Variants in CNOT1 observed in about 807,000 individuals in gnomAD.
The protein encoded by CNOT1 is CCR4-NOT transcription complex subunit 1.
Under a neutral mutation model 273.8 loss-of-function variants are expected in CNOT1, and 15 were observed. The observed-to-expected ratio is 0.05, with a 90% confidence interval of 0.04 to 0.08. CNOT1 has a LOEUF of 0.08. CNOT1 is among the 10% of genes least tolerant of loss of function. The pLI is 1.00. For missense variants in CNOT1, 1,644 were observed against 2,912.2 expected (o/e 0.56, Z 10.02); for synonymous variants, 1,022 against 1,005.5 (o/e 1.02, Z -0.31).
chr16:58,626,470 C>CAGACTACTA (rs1166758577), intron 1 of CNOT1, among the ~76,000 whole-genome samples: 2 of 145,602 alleles, frequency 1.4e-5, no homozygotes, highest in African/African-American at 5.1e-5. Context: ...TTCAAAATGG[C>CAGACTACTA]AGACTACTAG....
At chr16:58,584,816 G>A (rs2041780492) in intron 8 of CNOT1, among the ~76,000 whole-genome samples, 1 of 152,094 alleles carries the variant, frequency 6.6e-6, no homozygotes, top group South Asian at 2.1e-4. Flanking sequence ...TTAATAATTT[G>A]CTTTTAGAAA....
At chr16:58,619,296 T>C (rs1288265248) in intron 1 of CNOT1, among the ~76,000 whole-genome samples, 1 of 129,612 alleles carries the variant, frequency 7.7e-6, no homozygotes, top group Non-Finnish European at 1.9e-5. Flanking sequence ...CAATTTACGA[T>C]GCTAAAGAAC....
intron 47 of CNOT1, 42 bp downstream of exon 47, chr16:58,523,328 G>A (rs2039475698): frequency 6.5e-7 from 1 of 1,534,970 alleles, no homozygotes; most frequent in South Asian, 1.3e-5. Context: ...TGAAAGGGAG[G>A]AGATCCTTTT....
chr16:58,597,919 G>A (rs566717506), intron 2 of CNOT1: 4 of 253,202 alleles, frequency 1.6e-5, no homozygotes, highest in Non-Finnish European at 3.1e-5. Flanking sequence ...TCACTATCAT[G>A]AAAAACCCAG....
intron 4 of CNOT1, 143 bp downstream of exon 4, chr16:58,587,637 T>C (rs1214976449): frequency 1.8e-6 from 2 of 1,124,248 alleles, no homozygotes; most frequent in African/African-American, 3.2e-5. Flanking sequence ...ACTGCCTTGA[T>C]TTTGTTACAA....
At position 58,542,143 on chromosome 16, in the gene CNOT1, G is replaced by A. The variant is rs370605912; in HGVS notation, c.4680+88C>T. ...CTCATAAACAATATTTAACCCTGCTGTCCTAATTCCAGTAAGGAGTTCAAT... is the reference window on the plus strand; with the variant it reads ...CTCATAAACAATATTTAACCCTGCTATCCTAATTCCAGTAAGGAGTTCAAT... On this transcript the variant is annotated intron_variant, in intron 33 of 48. Transcript: ENST00000317147. 12 of 1,484,404 alleles carry A rather than the reference G, an allele frequency of 8.1e-6. 1 individual carries two copies. Among genetic ancestry groups the A allele is most frequent in the East Asian group, 6.9e-5 (3 of 43,724 alleles). 92.0% of individuals were successfully genotyped at this position (1,484,404 alleles called of 1,614,324 possible). A position where few individuals can be genotyped will look rare whatever the true frequency, so the allele number is the denominator to read the frequency against.
chr16:58,535,187 A>G (rs2039888175), intron 39 of CNOT1, among the ~76,000 whole-genome samples: 2 of 149,740 alleles, frequency 1.3e-5, no homozygotes, highest in Admixed American at 1.3e-4. Flanking sequence ...CCAAGTTCCG[A>G]AAAAAAAAAC....
At chr16:58,553,566 C>A (rs890283817) in intron 22 of CNOT1, among the ~76,000 whole-genome samples, 2 of 152,136 alleles carry the variant, frequency 1.3e-5, no homozygotes, top group Non-Finnish European at 2.9e-5. Context: ...GGTAAGCCTG[C>A]TACTTAGAAA....
chr16:58,612,340 C>A (rs1435387341), intron 1 of CNOT1, among the ~76,000 whole-genome samples: 1 of 152,118 alleles, frequency 6.6e-6, no homozygotes, highest in Non-Finnish European at 1.5e-5. Flanking sequence ...CAACTGATAA[C>A]CAAGTTTGAC....
intron 47 of CNOT1, among the ~76,000 whole-genome samples, chr16:58,521,533 T>C (rs1215621190): frequency 1.3e-5 from 2 of 152,212 alleles, no homozygotes; most frequent in African/African-American, 4.8e-5. Context: ...TAAGTATTTA[T>C]ATAAAGTGCA....
chr16:58,592,049 A>G (rs1335304521), intron 2 of CNOT1, among the ~76,000 whole-genome samples: 1 of 152,118 alleles, frequency 6.6e-6, no homozygotes, highest in Non-Finnish European at 1.5e-5. Context: ...AATTTTTCAT[A>G]TATTAAGATT....
intron 1 of CNOT1, among the ~76,000 whole-genome samples, chr16:58,613,312 T>G (rs368910221): frequency 0.28 from 32,186 of 116,714 alleles, 6,080 homozygotes; most frequent in Non-Finnish European, 0.38. Context: ...GATTACAGGC[T>G]TGAGTCACCA....
At chr16:58,536,345 A>C (rs2039929790) in intron 39 of CNOT1, among the ~76,000 whole-genome samples, 1 of 152,216 alleles carries the variant, frequency 6.6e-6, no homozygotes, top group African/African-American at 2.4e-5. Flanking sequence ...ACAGTCGCTG[A>C]AAGCAACCAG....
At chr16:58,528,121 A>G (rs1186641661) in intron 44 of CNOT1, 2 of 468,466 alleles carry the variant, frequency 4.3e-6, no homozygotes, top group Admixed American at 2.3e-5. Context: ...TCAAAAAAAG[A>G]AAAAGATTAC....
At chr16:58,532,608 T>C (rs2039805576) in intron 40 of CNOT1, 2 of 772,218 alleles carry the variant, frequency 2.6e-6, no homozygotes, top group Non-Finnish European at 3.9e-6. Flanking sequence ...CATTTCAACA[T>C]CCTTGGACCA....
intron 1 of CNOT1, among the ~76,000 whole-genome samples, chr16:58,605,663 A>C (rs1415416581): frequency 6.6e-6 from 1 of 152,182 alleles, no homozygotes; most frequent in Non-Finnish European, 1.5e-5. Context: ...TCCAAGCAAT[A>C]AATTACCTCT....
intron 6 of CNOT1, among the ~76,000 whole-genome samples, chr16:58,586,957 GTT>G (rs2041894204): frequency 6.6e-6 from 1 of 152,194 alleles, no homozygotes. Context: ...GATGGGCATA[GTT>G]CTGTTTGGCA....
chr16:58,599,294 T>G lies in CNOT1; in HGVS notation c.44A>C (p.Tyr15Ser), dbSNP rs762811408. The G allele has an allele frequency of 6.2e-7, 1 of 1,614,206 alleles. No homozygotes were observed. The highest frequency in any genetic ancestry group is 1.1e-5 in the South Asian group (1 of 91,086). ...SLSLALSQIS[Y>S]LVDNLTKKNY... ...TTTCTTGGTTAAATTGTCCACCAGGTAGCTGATTTGAGACAAGGCCAGCGA... is the reference window on the plus strand; with the variant it reads ...TTTCTTGGTTAAATTGTCCACCAGGGAGCTGATTTGAGACAAGGCCAGCGA... The change falls in exon 2 of 49, where the codon TAC (tyrosine) becomes TCC (serine). Residue 15 changes from tyrosine (Y) to serine (S), a missense_variant. Physicochemically the swap from Tyr to Ser is moderately radical, Grantham distance 144. Around this residue, in one of 13 missense-constraint regions of CNOT1, gnomAD observed 706 missense variants for 1,021.2 expected, o/e 0.69. Coordinates refer to ENST00000317147, the MANE Select transcript of CNOT1 (RefSeq NM_016284.5).
chr16:58,557,036 A>G, intron 18 of CNOT1, 43 bp from the exon 19 acceptor site: 1 of 1,599,482 alleles, frequency 6.3e-7, no homozygotes, highest in South Asian at 1.1e-5. Context: ...CATTATTCAT[A>G]TTCTTGATTT....
Sources: gnomAD v4.1 joint callset for allele counts (sites outside exome capture counted in the v4.1 genomes callset) on GRCh38, gnomAD v4.1.1 for gene constraint, gnomAD v4.1.1 regional missense constraint, MANE v1.5 for transcripts, NCBI Gene and HGNC (gene_info 2026-07-23, HGNC 2026-07-21) for gene names.